Variants in CAMKMT observed in about 807,000 individuals in gnomAD.
CAMKMT encodes the protein calmodulin-lysine N-methyltransferase, also known as CaM KMT.
In CAMKMT, 53 loss-of-function variants were observed where a neutral mutation model predicts 48.0. That is an observed-to-expected ratio of 1.10 (90% CI 0.89 to 1.39). CAMKMT has a LOEUF of 1.39. Ranked by LOEUF, CAMKMT falls within the 40% of genes most tolerant of loss-of-function variation. The pLI, the probability that CAMKMT is intolerant of heterozygous loss-of-function variation, is 0.00. For missense variants in CAMKMT, 428 were observed against 402.7 expected (o/e 1.06, Z -0.54); for synonymous variants, 165 against 152.3 (o/e 1.08, Z -0.61).
At chr2:44,390,330 A>C in intron 3 of CAMKMT, 25 bp downstream of exon 3, 1 of 1,489,412 alleles carries the variant, frequency 6.7e-7, no homozygotes, top group South Asian at 1.2e-5. Context: ...CACTCTATAG[A>C]AATATATTTA....
chr2:44,608,456 A>G (rs1671422466), intron 3 of CAMKMT, among the ~76,000 whole-genome samples: 1 of 152,152 alleles, frequency 6.6e-6, no homozygotes, highest in African/African-American at 2.4e-5. Context: ...ACCTATTGAC[A>G]TTTCAATACA....
chr2:44,372,466 CAA>C (rs35734499), intron 1 of CAMKMT, among the ~76,000 whole-genome samples: 239 of 136,302 alleles, frequency 1.8e-3, no homozygotes, highest in Middle Eastern at 3.7e-3. Flanking sequence ...GATCCTGTCT[CAA>C]AAAAAAAAAA....
chr2:44,389,916 C>G (rs1011086597), intron 2 of CAMKMT, among the ~76,000 whole-genome samples: 1 of 152,092 alleles, frequency 6.6e-6, no homozygotes, highest in Non-Finnish European at 1.5e-5. Context: ...GCTTGATTCT[C>G]TAAGTATACT....
chr2:44,737,387 T>A (rs1275097027), intron 7 of CAMKMT, among the ~76,000 whole-genome samples: 2 of 152,146 alleles, frequency 1.3e-5, no homozygotes, highest in Non-Finnish European at 2.9e-5. Flanking sequence ...AAAGTGTGTT[T>A]TTGAGTTTTG....
chr2:44,523,646 G>C (rs1360494705), intron 3 of CAMKMT, among the ~76,000 whole-genome samples: 1 of 151,946 alleles, frequency 6.6e-6, no homozygotes, highest in Non-Finnish European at 1.5e-5. Context: ...TGGTAACTGA[G>C]CTAGGATGAC....
intron 6 of CAMKMT, among the ~76,000 whole-genome samples, chr2:44,710,646 G>A (rs959352143): frequency 6.6e-6 from 1 of 151,720 alleles, no homozygotes; most frequent in South Asian, 2.1e-4. Flanking sequence ...CCCCTTTAGT[G>A]TCAAGAAAGA....
At chr2:44,682,969 G>A (rs1357509599) in intron 3 of CAMKMT, among the ~76,000 whole-genome samples, 1 of 152,200 alleles carries the variant, frequency 6.6e-6, no homozygotes, top group Non-Finnish European at 1.5e-5. Context: ...TGACCGTGTA[G>A]ATGATAAATT....
intron 3 of CAMKMT, among the ~76,000 whole-genome samples, chr2:44,396,140 A>G (rs1296598639): frequency 6.6e-6 from 1 of 152,134 alleles, no homozygotes; most frequent in Non-Finnish European, 1.5e-5. Context: ...TGGGTTAAGT[A>G]TTTAATTAAA....
chr2:44,658,637 T>C (rs1674508737), intron 3 of CAMKMT, among the ~76,000 whole-genome samples: 1 of 152,214 alleles, frequency 6.6e-6, no homozygotes, highest in Non-Finnish European at 1.5e-5. Flanking sequence ...ATCTACCCTC[T>C]GGCCGACTCC....
intron 6 of CAMKMT, among the ~76,000 whole-genome samples, chr2:44,710,802 T>G (rs1677838368): frequency 1.3e-5 from 2 of 152,142 alleles, no homozygotes; most frequent in South Asian, 4.1e-4. Context: ...AAAGTAGAAC[T>G]CCTGAAGGTG....
chr2:44,501,889 C>T (rs548818970), intron 3 of CAMKMT, among the ~76,000 whole-genome samples: 9 of 151,258 alleles, frequency 6.0e-5, no homozygotes, highest in Non-Finnish European at 8.8e-5. Flanking sequence ...GGGTTGGAGG[C>T]GAAACAAGAA....
At chr2:44,497,328 A>G (rs929380909) in intron 3 of CAMKMT, among the ~76,000 whole-genome samples, 5 of 152,192 alleles carry the variant, frequency 3.3e-5, no homozygotes, top group African/African-American at 1.2e-4. Context: ...ATGGAAAAGA[A>G]CATTGTTCTT....
At chr2:44,638,068 AAAAAGAG>A in intron 3 of CAMKMT, among the ~76,000 whole-genome samples, 1 of 151,836 alleles carries the variant, frequency 6.6e-6, no homozygotes, top group East Asian at 1.9e-4. Flanking sequence ...CCAAAAAAAA[AAAAAGAG>A]AAAAAGAAAA....
chr2:44,724,611 A>G (rs1343784750), intron 7 of CAMKMT, among the ~76,000 whole-genome samples: 1 of 152,160 alleles, frequency 6.6e-6, no homozygotes, highest in East Asian at 1.9e-4. Context: ...GAGTGAATCC[A>G]TGGATAGCCT....
chr2:44,456,592 G>A, intron 3 of CAMKMT: 2 of 1,549,744 alleles, frequency 1.3e-6, no homozygotes, highest in Non-Finnish European at 1.7e-6. Context: ...GGAAAATGAA[G>A]ATATCACCAT....
intron 3 of CAMKMT, among the ~76,000 whole-genome samples, chr2:44,695,202 T>C (rs911463838): frequency 6.6e-6 from 1 of 152,212 alleles, no homozygotes; most frequent in South Asian, 2.1e-4. Context: ...CAGAGGTACA[T>C]GTGCAGGTTT....
chr2:44,771,237 T>G (rs1681096652), intron 10 of CAMKMT, among the ~76,000 whole-genome samples: 1 of 152,206 alleles, frequency 6.6e-6, no homozygotes, highest in Non-Finnish European at 1.5e-5. Flanking sequence ...TTTTTTATTC[T>G]TATAATCTAA....
chr2:44,758,235 A>G (rs1054840583), intron 9 of CAMKMT, among the ~76,000 whole-genome samples: 3 of 152,186 alleles, frequency 2.0e-5, no homozygotes, highest in Non-Finnish European at 2.9e-5. Context: ...CTGGAGTCAG[A>G]GGGTCCAGAA....
At chr2:44,654,922 C>T (rs1674293708) in intron 3 of CAMKMT, among the ~76,000 whole-genome samples, 1 of 152,170 alleles carries the variant, frequency 6.6e-6, no homozygotes, top group African/African-American at 2.4e-5. Context: ...CTGTTATGTA[C>T]ATGTACCATA....
Sources: gnomAD v4.1 joint callset for allele counts (sites outside exome capture counted in the v4.1 genomes callset) on GRCh38, gnomAD v4.1.1 for gene constraint, MANE v1.5 for transcripts, NCBI Gene and HGNC (gene_info 2026-07-23, HGNC 2026-07-21) for gene names.